The following NELL2 variants were observed in gnomAD, a reference collection of about 807,000 sequenced individuals.
The protein encoded by NELL2 is protein kinase C-binding protein NELL2.
Under a neutral mutation model 109.6 loss-of-function variants are expected in NELL2, and 41 were observed. The ratio of observed to expected loss-of-function variants is 0.37; its 90% CI spans 0.29 to 0.49. NELL2 has a LOEUF of 0.49. Among genes scored for constraint, NELL2 ranks in the 20% least tolerant of loss-of-function variants. The pLI is 0.98. For missense variants in NELL2, 900 were observed against 1,008.3 expected (o/e 0.89, Z 1.45); for synonymous variants, 355 against 344.7 (o/e 1.03, Z -0.33).
intron 12 of NELL2, among the ~76,000 whole-genome samples, chr12:44,677,651 C>G (rs900016695): frequency 6.6e-6 from 1 of 151,974 alleles, no homozygotes; most frequent in Non-Finnish European, 1.5e-5. Context: ...TCACTTGATA[C>G]TAGTTTCAGT....
intron 11 of NELL2, among the ~76,000 whole-genome samples, chr12:44,710,706 T>G (rs181045824): frequency 1.3e-5 from 2 of 152,260 alleles, no homozygotes; most frequent in Admixed American, 1.3e-4. Flanking sequence ...CTTCAACTAA[T>G]AATTGAAGTC....
chr12:44,713,210 A>G (rs1938306677), intron 10 of NELL2, among the ~76,000 whole-genome samples: 1 of 140,316 alleles, frequency 7.1e-6, no homozygotes, highest in South Asian at 2.1e-4. Flanking sequence ...ACACACACAC[A>G]CACACAGAGA....
rs141920629 is a variant in NELL2 at position 44,545,678 on chromosome 12, G to A, written c.1664-12957C>T. Among the ~76,000 whole-genome samples, 102 of 152,108 alleles carry A rather than the reference G, an allele frequency of 6.7e-4. 1 individual carries two copies. The highest frequency in any genetic ancestry group is 3.7e-3 in the Admixed American group (57 of 15,266). On this transcript the variant is annotated intron_variant, in intron 15 of 19. Coordinates refer to ENST00000429094, the MANE Select transcript of NELL2 (RefSeq NM_001145108.2). ...AACTTCCAGCTTTACTCCTACACAT[G>A]CTAGAAAATTACTTAAAACATTCAT...
At chr12:44,744,021 C>T (rs1431501466) in intron 9 of NELL2, among the ~76,000 whole-genome samples, 1 of 152,106 alleles carries the variant, frequency 6.6e-6, no homozygotes, top group African/African-American at 2.4e-5. Flanking sequence ...CACACCACAC[C>T]TACTCCAAAA....
intron 9 of NELL2, among the ~76,000 whole-genome samples, chr12:44,731,592 T>C (rs747031181): frequency 2.6e-5 from 4 of 152,038 alleles, no homozygotes; most frequent in Admixed American, 6.6e-5. Flanking sequence ...AGAAGAAATA[T>C]ACTTCAACAT....
chr12:44,631,967 C>G (rs1461240672), intron 13 of NELL2, among the ~76,000 whole-genome samples: 1 of 152,072 alleles, frequency 6.6e-6, no homozygotes. Flanking sequence ...TAAAAAGGAT[C>G]ATACATCCTA....
intron 12 of NELL2, among the ~76,000 whole-genome samples, chr12:44,676,425 G>T (rs1210274950): frequency 1.3e-5 from 2 of 152,058 alleles, no homozygotes; most frequent in African/African-American, 4.8e-5. Flanking sequence ...GAAAGGAACT[G>T]CCAGCTATCA....
chr12:44,730,313 T>A (rs1262580528), intron 9 of NELL2, among the ~76,000 whole-genome samples: 1 of 152,026 alleles, frequency 6.6e-6, no homozygotes, highest in Non-Finnish European at 1.5e-5. Flanking sequence ...TATAGAACAT[T>A]CCATACAACA....
intron 15 of NELL2, among the ~76,000 whole-genome samples, chr12:44,545,675 C>T (rs1486947055): frequency 1.3e-5 from 2 of 152,082 alleles, no homozygotes; most frequent in African/African-American, 4.8e-5. Context: ...TACTCCTACA[C>T]ATGCTAGAAA....
chr12:44,683,090 T>C (rs986381744), intron 12 of NELL2, among the ~76,000 whole-genome samples: 2 of 152,204 alleles, frequency 1.3e-5, no homozygotes, highest in African/African-American at 4.8e-5. Context: ...CCTCTTTTAT[T>C]TCATTGAGTA....
intron 2 of NELL2, among the ~76,000 whole-genome samples, chr12:44,828,790 T>A (rs922074129): frequency 6.6e-6 from 1 of 152,176 alleles, no homozygotes; most frequent in Non-Finnish European, 1.5e-5. Flanking sequence ...GATTTATCTA[T>A]AACAAATACA....
intron 15 of NELL2, among the ~76,000 whole-genome samples, chr12:44,541,569 A>G (rs945134163): frequency 5.9e-5 from 9 of 152,160 alleles, no homozygotes; most frequent in Non-Finnish European, 1.0e-4. Context: ...GCACCAACCC[A>G]AAATCTTCAG....
intron 1 of NELL2, among the ~76,000 whole-genome samples, chr12:44,902,059 C>T (rs529448996): frequency 1.3e-5 from 2 of 152,134 alleles, no homozygotes; most frequent in East Asian, 3.9e-4. Context: ...CAGGGCAATC[C>T]GGCAAGAGAA....
At chr12:44,786,948 T>C (rs868561286) in intron 3 of NELL2, among the ~76,000 whole-genome samples, 7 of 151,994 alleles carry the variant, frequency 4.6e-5, no homozygotes, top group African/African-American at 1.4e-4. Flanking sequence ...ACCTAGATGA[T>C]GGGTTGATGG....
chr12:44,766,285 G>A (rs1355954340), intron 9 of NELL2, among the ~76,000 whole-genome samples: 2 of 152,000 alleles, frequency 1.3e-5, no homozygotes, highest in African/African-American at 2.4e-5. Context: ...CATTTTCAAG[G>A]TAGCCATTGG....
At chr12:44,790,336 A>G (rs1332583237) in intron 3 of NELL2, among the ~76,000 whole-genome samples, 1 of 152,172 alleles carries the variant, frequency 6.6e-6, no homozygotes, top group Non-Finnish European at 1.5e-5. Flanking sequence ...CTCCTCAAAC[A>G]AAACAATTAT....
At chr12:44,897,536 A>G (rs1945608123) in intron 1 of NELL2, among the ~76,000 whole-genome samples, 1 of 152,124 alleles carries the variant, frequency 6.6e-6, no homozygotes, top group African/African-American at 2.4e-5. Flanking sequence ...TCCCTCTCCT[A>G]GTCAAGGGAA....
chr12:44,694,851 ACTTTGT>A (rs1157718295), intron 12 of NELL2, among the ~76,000 whole-genome samples: 1 of 152,148 alleles, frequency 6.6e-6, no homozygotes, highest in Non-Finnish European at 1.5e-5. Flanking sequence ...TCTTGGAGCA[ACTTTGT>A]GAGGCTATCG....
At chr12:44,763,709 C>G (rs1298507111) in intron 9 of NELL2, among the ~76,000 whole-genome samples, 1 of 152,032 alleles carries the variant, frequency 6.6e-6, no homozygotes, top group Non-Finnish European at 1.5e-5. Flanking sequence ...AAAATAACTT[C>G]AAGAATCAAG....
Sources: gnomAD v4.1 joint callset for allele counts (sites outside exome capture counted in the v4.1 genomes callset) on GRCh38, gnomAD v4.1.1 for gene constraint, MANE v1.5 for transcripts, NCBI Gene and HGNC (gene_info 2026-07-23, HGNC 2026-07-21) for gene names.